The following TPRG1 variants were observed in gnomAD, a reference collection of about 807,000 sequenced individuals.
TPRG1 encodes the protein tumor protein p63 regulated 1.
Under a neutral mutation model 29.3 loss-of-function variants are expected in TPRG1, and 29 were observed. The ratio of observed to expected loss-of-function variants is 0.99; its 90% CI spans 0.74 to 1.35. The LOEUF (loss-of-function observed/expected upper bound fraction) is 1.35. Ranked by LOEUF, TPRG1 falls within the 40% of genes most tolerant of loss-of-function variation. The pLI, the probability that TPRG1 is intolerant of heterozygous loss-of-function variation, is 0.00. For missense variants in TPRG1, 327 were observed against 335.0 expected (o/e 0.98, Z 0.19); for synonymous variants, 130 against 116.8 (o/e 1.11, Z -0.73).
At chr3:189,195,542 C>T (rs999987657) in intron 1 of TPRG1, among the ~76,000 whole-genome samples, 5 of 152,120 alleles carry the variant, frequency 3.3e-5, no homozygotes, top group African/African-American at 9.7e-5. Flanking sequence ...ACACTCTAGC[C>T]ATAGTTCTAA....
intron 3 of TPRG1, among the ~76,000 whole-genome samples, chr3:189,009,764 G>C (rs1046638167): frequency 6.7e-6 from 1 of 149,964 alleles, no homozygotes; most frequent in African/African-American, 2.5e-5. Context: ...TCGACACCCA[G>C]GTGCAATAAT....
intron 3 of TPRG1, among the ~76,000 whole-genome samples, chr3:189,231,623 G>A (rs1354710140): frequency 6.6e-6 from 1 of 152,056 alleles, no homozygotes; most frequent in Non-Finnish European, 1.5e-5. Flanking sequence ...TTATCTTCAT[G>A]CTGGAGACGT....
At chr3:189,265,604 T>C (rs1341804024) in intron 4 of TPRG1, among the ~76,000 whole-genome samples, 1 of 152,218 alleles carries the variant, frequency 6.6e-6, no homozygotes, top group East Asian at 1.9e-4. Flanking sequence ...GCCTTGAATC[T>C]AAGTCTGTCC....
At chr3:189,045,207 A>C (rs1714899455) in intron 4 of TPRG1, among the ~76,000 whole-genome samples, 1 of 152,210 alleles carries the variant, frequency 6.6e-6, no homozygotes, top group Non-Finnish European at 1.5e-5. Flanking sequence ...TTTCAGTTTT[A>C]AGAACACCAA....
intron 4 of TPRG1, among the ~76,000 whole-genome samples, chr3:189,241,422 C>T (rs1578995349): frequency 6.6e-6 from 1 of 151,824 alleles, no homozygotes; most frequent in Admixed American, 6.6e-5. Flanking sequence ...ATGACTATAG[C>T]CCATTTTTTT....
In TPRG1 at chr3:189,184,703, C is replaced by A. The variant is rs73184439; in HGVS notation, c.-10+12572C>A. ...CATTAAAATCTTCCCGTACCGTCATCATCAAGGCCACGTATCCTGCAGTTG... is the reference window on the plus strand; with the variant it reads ...CATTAAAATCTTCCCGTACCGTCATAATCAAGGCCACGTATCCTGCAGTTG... On this transcript the variant is annotated intron_variant, in intron 1 of 5. Transcript: ENST00000345063. Among the ~76,000 whole-genome samples, 795 of 152,320 alleles carry A rather than the reference C, an allele frequency of 5.2e-3. 3 individuals carry two copies. The highest frequency in any genetic ancestry group is 0.02 in the Middle Eastern group (6 of 294).
At chr3:189,152,687 TAA>T (rs141731988) in intron 5 of TPRG1, among the ~76,000 whole-genome samples, 1,949 of 150,408 alleles carry the variant, frequency 0.013, 55 homozygotes, top group African/African-American at 0.046. Context: ...CCATTATTAT[TAA>T]AAAGTAGGAT....
intron 3 of TPRG1, among the ~76,000 whole-genome samples, chr3:189,014,456 G>T (rs1055335812): frequency 1.3e-5 from 2 of 151,800 alleles, no homozygotes; most frequent in African/African-American, 4.8e-5. Context: ...CTTTTATTTC[G>T]ACCTTGGTGA....
chr3:189,264,363 T>A (rs1214070434), intron 4 of TPRG1, among the ~76,000 whole-genome samples: 1 of 152,228 alleles, frequency 6.6e-6, no homozygotes, highest in Non-Finnish European at 1.5e-5. Context: ...ATGTATTTTA[T>A]AGACCCAAGG....
chr3:189,224,538 CAG>C (rs1560574663), intron 3 of TPRG1, among the ~76,000 whole-genome samples: 1 of 151,964 alleles, frequency 6.6e-6, no homozygotes, highest in African/African-American at 2.4e-5. Context: ...AGAATATGTG[CAG>C]AGTAACAGAG....
chr3:189,208,376 G>T (rs1210763913), intron 2 of TPRG1, among the ~76,000 whole-genome samples: 1 of 152,102 alleles, frequency 6.6e-6, no homozygotes, highest in Non-Finnish European at 1.5e-5. Context: ...TTACACTATG[G>T]CAACAGAGAA....
intron 3 of TPRG1, among the ~76,000 whole-genome samples, chr3:189,216,051 A>G (rs774867550): frequency 6.6e-6 from 1 of 152,156 alleles, no homozygotes; most frequent in Non-Finnish European, 1.5e-5. Context: ...CCATCTCTTT[A>G]CCCGCCAAGT....
intron 4 of TPRG1, among the ~76,000 whole-genome samples, chr3:189,036,204 T>TAA (rs1266522966): frequency 6.6e-6 from 1 of 152,038 alleles, no homozygotes; most frequent in Non-Finnish European, 1.5e-5. Flanking sequence ...AAGTGGGAGC[T>TAA]AAACATTGAG....
chr3:189,207,355 A>AC, intron 1 of TPRG1, 21 bp from the exon 2 acceptor site: 2 of 1,612,132 alleles, frequency 1.2e-6, no homozygotes, highest in Non-Finnish European at 1.7e-6. Flanking sequence ...TTTCAATGAG[A>AC]TTTTTCTGCC....
chr3:189,063,601 A>G (rs1048921270), intron 4 of TPRG1, among the ~76,000 whole-genome samples: 2 of 152,186 alleles, frequency 1.3e-5, no homozygotes, highest in Non-Finnish European at 2.9e-5. Flanking sequence ...AGAAATAAAT[A>G]AAGTCTACAG....
chr3:189,208,339 A>G (rs1201124744), intron 2 of TPRG1, among the ~76,000 whole-genome samples: 1 of 152,196 alleles, frequency 6.6e-6, no homozygotes, highest in South Asian at 2.1e-4. Context: ...TAGAGGTTAC[A>G]ATCAATTGGG....
At chr3:189,279,987 T>C (rs1046422801) in intron 4 of TPRG1, among the ~76,000 whole-genome samples, 3 of 152,196 alleles carry the variant, frequency 2.0e-5, no homozygotes, top group African/African-American at 7.2e-5. Context: ...GGTCTTTATC[T>C]GGAAAACCTC....
chr3:189,074,963 C>T (rs1298320896), intron 4 of TPRG1, among the ~76,000 whole-genome samples: 6 of 151,948 alleles, frequency 3.9e-5, no homozygotes, highest in Admixed American at 2.6e-4. Flanking sequence ...AGGCGCCCGC[C>T]ACCACGCCCG....
chr3:189,214,865 T>A (rs1347533657), intron 2 of TPRG1, among the ~76,000 whole-genome samples: 1 of 151,974 alleles, frequency 6.6e-6, no homozygotes, highest in African/African-American at 2.4e-5. Context: ...AGAGTGTATC[T>A]CCATGAGTCA....
Sources: allele counts gnomAD v4.1 joint callset (sites outside exome capture counted in the v4.1 genomes callset), GRCh38; gene constraint gnomAD v4.1.1; transcripts MANE v1.5; gene names NCBI Gene and HGNC (gene_info 2026-07-23, HGNC 2026-07-21).